Variants in DHRSX observed in about 807,000 individuals in gnomAD.
DHRSX encodes the protein dehydrogenase/reductase X-linked, also known as polyprenol dehydrogenase.
DHRSX carries 31 observed loss-of-function variants against 34.0 expected under a neutral mutation model. The ratio of observed to expected loss-of-function variants is 0.91; its 90% confidence interval spans 0.69 to 1.23. The LOEUF is 1.23. Among genes scored for constraint, DHRSX ranks in the 50% most tolerant of loss-of-function variants. The pLI is 0.00. For synonymous variants in DHRSX, 201 were observed against 183.8 expected (o/e 1.09, Z -0.76); for missense variants, 414 against 428.1 (o/e 0.97, Z 0.29).
chrX:2,301,275 T>C (rs1416695899), intron 3 of DHRSX, among the ~76,000 whole-genome samples: 2 of 152,124 alleles, frequency 1.3e-5, no homozygotes, highest in Non-Finnish European at 2.9e-5. Flanking sequence ...TAGCTGGGCA[T>C]GGTGGTGCAT....
At chrX:2,421,506 G>A (rs1399947972) in intron 2 of DHRSX, among the ~76,000 whole-genome samples, 1 of 152,208 alleles carries the variant, frequency 6.6e-6, no homozygotes, top group African/African-American at 2.4e-5. Flanking sequence ...GCGCTGACAT[G>A]GACCACGCAT....
intron 6 of DHRSX, among the ~76,000 whole-genome samples, chrX:2,226,867 G>T (rs983343467): frequency 2.6e-5 from 4 of 152,036 alleles, no homozygotes; most frequent in South Asian, 4.1e-4. Flanking sequence ...GCAGCACAGA[G>T]AATGTGACAG....
At chrX:2,486,033 G>A (rs924332461) in intron 1 of DHRSX, among the ~76,000 whole-genome samples, 13 of 151,724 alleles carry the variant, frequency 8.6e-5, no homozygotes, top group African/African-American at 2.9e-4. Flanking sequence ...AGGAAGAGAG[G>A]GGTGATAAGG....
chrX:2,231,433 C>T (rs1230068997), intron 6 of DHRSX, among the ~76,000 whole-genome samples: 1 of 150,706 alleles, frequency 6.6e-6, no homozygotes, highest in African/African-American at 2.4e-5. Context: ...CTTCCTTTTT[C>T]TCTTTTTCTC....
intron 5 of DHRSX, among the ~76,000 whole-genome samples, chrX:2,250,994 G>A (rs1231984495): frequency 6.6e-6 from 1 of 152,146 alleles, no homozygotes; most frequent in African/African-American, 2.4e-5. Flanking sequence ...CAGCTGACAT[G>A]TTCTGAGATG....
chrX:2,283,886 T>C (rs2041765854), intron 4 of DHRSX, among the ~76,000 whole-genome samples: 1 of 151,926 alleles, frequency 6.6e-6, no homozygotes. Context: ...ATTCATTCCT[T>C]TGAATTCGTT....
intron 1 of DHRSX, among the ~76,000 whole-genome samples, chrX:2,465,821 A>AAAAG (rs2044485264): frequency 2.1e-5 from 3 of 142,478 alleles, no homozygotes; most frequent in Admixed American, 6.8e-5. Flanking sequence ...AAAAAAAAAA[A>AAAAG]AAAAAGAGAA....
chrX:2,233,172 T>C (rs904773952), intron 6 of DHRSX, among the ~76,000 whole-genome samples: 9 of 152,048 alleles, frequency 5.9e-5, no homozygotes, highest in African/African-American at 2.2e-4. Flanking sequence ...GAACTGTGGC[T>C]TCGCGGCAGA....
intron 1 of DHRSX, among the ~76,000 whole-genome samples, chrX:2,460,522 G>C (rs1288720347): frequency 1.3e-5 from 2 of 151,326 alleles, no homozygotes; most frequent in Non-Finnish European, 2.9e-5. Flanking sequence ...GGGCTCAAGC[G>C]ATCCTTCAGC....
intron 3 of DHRSX, among the ~76,000 whole-genome samples, chrX:2,300,243 G>A (rs2124503485): frequency 6.6e-6 from 1 of 152,226 alleles, no homozygotes; most frequent in East Asian, 1.9e-4. Context: ...ACTGAGCCGT[G>A]CCCTCCCTCA....
intron 1 of DHRSX, among the ~76,000 whole-genome samples, chrX:2,434,014 G>A (rs961018785): frequency 4.6e-5 from 7 of 152,070 alleles, no homozygotes; most frequent in Non-Finnish European, 1.0e-4. Flanking sequence ...TCCTGATCTC[G>A]TGATCCGCCC....
intron 1 of DHRSX, among the ~76,000 whole-genome samples, chrX:2,455,259 T>A (rs1182629251): frequency 6.6e-6 from 1 of 151,702 alleles, no homozygotes; most frequent in Non-Finnish European, 1.5e-5. Context: ...TACCCGTGGA[T>A]ATAAAGAAGG....
chrX:2,336,288 G>C (rs766109524), intron 3 of DHRSX: 5 of 152,202 alleles, frequency 3.3e-5, no homozygotes, highest in African/African-American at 9.6e-5. Flanking sequence ...GATTACAGGC[G>C]TGAGCCACCA....
At chrX:2,493,155 A>T (rs1046391916) in intron 1 of DHRSX, among the ~76,000 whole-genome samples, 1 of 152,160 alleles carries the variant, frequency 6.6e-6, no homozygotes, top group South Asian at 2.1e-4. Flanking sequence ...AATGAATAAC[A>T]TGACCGGGAC....
At chrX:2,441,509 C>T (rs1237369917) in intron 1 of DHRSX, among the ~76,000 whole-genome samples, 1 of 152,056 alleles carries the variant, frequency 6.6e-6, no homozygotes, top group Non-Finnish European at 1.5e-5. Flanking sequence ...AACTGGCTCC[C>T]AAGATGTGGG....
chrX:2,237,134 C>T (rs971245310), intron 6 of DHRSX, among the ~76,000 whole-genome samples: 4 of 151,886 alleles, frequency 2.6e-5, no homozygotes, highest in Non-Finnish European at 5.9e-5. Flanking sequence ...TGCAGTGAGC[C>T]GAGATCGCAC....
intron 3 of DHRSX, among the ~76,000 whole-genome samples, chrX:2,348,186 A>G (rs1192299960): frequency 6.6e-6 from 1 of 152,206 alleles, no homozygotes; most frequent in Non-Finnish European, 1.5e-5. Flanking sequence ...AGCTCGGGTA[A>G]GAGACTAAAG....
At chrX:2,429,270 A>G (rs1157163187) in intron 1 of DHRSX, among the ~76,000 whole-genome samples, 4 of 152,118 alleles carry the variant, frequency 2.6e-5, no homozygotes, top group Non-Finnish European at 5.9e-5. Flanking sequence ...TTGTAATTAC[A>G]GACACACAGT....
chrX:2,474,782 A>G (rs73622915), intron 1 of DHRSX, among the ~76,000 whole-genome samples: 30,763 of 150,622 alleles, frequency 0.2, 4,177 homozygotes, highest in African/African-American at 0.39. Context: ...ACGTTCCCTA[A>G]GCATGTGGCC....
Sources: gnomAD v4.1 joint callset for allele counts (sites outside exome capture counted in the v4.1 genomes callset) on GRCh38, gnomAD v4.1.1 for gene constraint, MANE v1.5 for transcripts, NCBI Gene and HGNC (gene_info 2026-07-23, HGNC 2026-07-21) for gene names.